CNTN4: variants seen among roughly 807,000 people sequenced by gnomAD.
CNTN4 encodes the protein contactin-4.
A neutral mutation model predicts 122.5 loss-of-function variants in CNTN4; 77 were observed. The ratio of observed to expected loss-of-function variants is 0.63; its 90% confidence interval spans 0.52 to 0.76. The LOEUF (loss-of-function observed/expected upper bound fraction) is 0.76, where lower values mean the gene tolerates loss of function less well. Ranked by LOEUF, CNTN4 falls within the 30% of genes least tolerant of loss-of-function variation. The pLI is 0.00. For missense variants in CNTN4, 1,256 were observed against 1,259.1 expected (o/e 1.00, Z 0.04); for synonymous variants, 512 against 447.0 (o/e 1.15, Z -1.83).
chr3:2,321,946 A>C (rs139821257), intron 2 of CNTN4, among the ~76,000 whole-genome samples: 1 of 152,276 alleles, frequency 6.6e-6, no homozygotes, highest in Non-Finnish European at 1.5e-5. Flanking sequence ...CCTTAATATA[A>C]ACCAGGCACT....
At chr3:2,858,794 CAAAT>C (rs756700435) in intron 7 of CNTN4, among the ~76,000 whole-genome samples, 2 of 151,968 alleles carry the variant, frequency 1.3e-5, no homozygotes, top group Admixed American at 6.6e-5. Context: ...TTTTAATTGA[CAAAT>C]AAACATTGCA....
intron 4 of CNTN4, among the ~76,000 whole-genome samples, chr3:2,679,464 C>T (rs573052116): frequency 6.6e-5 from 10 of 152,024 alleles, no homozygotes; most frequent in Non-Finnish European, 8.8e-5. Context: ...GGTCATTCAG[C>T]GCATTATGTG....
chr3:2,960,835 T>C (rs1004244156), intron 13 of CNTN4, among the ~76,000 whole-genome samples: 5 of 152,130 alleles, frequency 3.3e-5, no homozygotes, highest in African/African-American at 1.2e-4. Context: ...GCCAATGAAA[T>C]GGTAGTAGAA....
At chr3:2,705,778 A>G (rs1205940157) in intron 4 of CNTN4, among the ~76,000 whole-genome samples, 4 of 103,810 alleles carry the variant, frequency 3.9e-5, no homozygotes, top group Admixed American at 1.4e-4. Context: ...TTTATTATAT[A>G]TAATACATAA....
intron 2 of CNTN4, among the ~76,000 whole-genome samples, chr3:2,144,778 T>C (rs1268402525): frequency 6.6e-6 from 1 of 152,218 alleles, no homozygotes; most frequent in Non-Finnish European, 1.5e-5. Flanking sequence ...AATATTGGAA[T>C]TGTATCTGTC....
At chr3:2,444,784 C>T (rs1559558031) in intron 3 of CNTN4, among the ~76,000 whole-genome samples, 1 of 152,040 alleles carries the variant, frequency 6.6e-6, no homozygotes, top group Non-Finnish European at 1.5e-5. Flanking sequence ...AACTAATGTC[C>T]TTCCAACCCT....
chr3:2,768,685 C>T (rs536729239), intron 6 of CNTN4, among the ~76,000 whole-genome samples: 4 of 152,358 alleles, frequency 2.6e-5, no homozygotes, highest in Non-Finnish European at 5.9e-5. Flanking sequence ...TCTGTGTCTA[C>T]TGCTTCACTT....
At chr3:3,032,800 G>A (rs1342727585) in intron 16 of CNTN4, among the ~76,000 whole-genome samples, 2 of 152,184 alleles carry the variant, frequency 1.3e-5, no homozygotes, top group Non-Finnish European at 2.9e-5. Flanking sequence ...ATGCCCCTGA[G>A]TGTGTTATCA....
chr3:2,299,587 T>C (rs748198539), intron 2 of CNTN4, among the ~76,000 whole-genome samples: 3 of 152,164 alleles, frequency 2.0e-5, no homozygotes, highest in African/African-American at 7.2e-5. Flanking sequence ...ATCTGATGCT[T>C]AATTTCTATT....
chr3:2,317,210 T>G (rs1297101112), intron 2 of CNTN4, among the ~76,000 whole-genome samples: 1 of 152,224 alleles, frequency 6.6e-6, no homozygotes, highest in East Asian at 1.9e-4. Flanking sequence ...AATCTAGACC[T>G]GATGGATTAT....
intron 4 of CNTN4, among the ~76,000 whole-genome samples, chr3:2,582,091 G>C (rs145921640): frequency 2.0e-5 from 3 of 152,156 alleles, no homozygotes; most frequent in Admixed American, 2.0e-4. Flanking sequence ...ACTCAACCTC[G>C]TGAGTACACT....
Position 2,776,175 on chromosome 3 carries a change from CTT to C in CNTN4, c.358+30479_358+30480del, listed in dbSNP as rs2091307423. 2.0e-5 allele frequency among the ~76,000 whole-genome samples: 3 copies of C among 151,650 alleles called. No homozygotes were observed. The South Asian group carries it at 6.3e-4, about 32-fold the overall frequency. On this transcript the variant is annotated intron_variant, in intron 6 of 24. Transcript: ENST00000418658. Reference sequence around the variant, plus strand: ...AAAGTGGGGAGATTTGAGGGCCCCTCTTATATTGGCAAGGTCTGGGGAAGATG... The same window carrying C: ...AAAGTGGGGAGATTTGAGGGCCCCTCATATTGGCAAGGTCTGGGGAAGATG...
At chr3:2,287,898 C>G (rs17011866) in intron 2 of CNTN4, among the ~76,000 whole-genome samples, 2,696 of 152,044 alleles carry the variant, frequency 0.018, 73 homozygotes, top group African/African-American at 0.061. Flanking sequence ...TGCAAGAATA[C>G]AAAACTAATA....
intron 4 of CNTN4, among the ~76,000 whole-genome samples, chr3:2,727,864 T>A (rs1216678588): frequency 6.6e-6 from 1 of 152,184 alleles, no homozygotes; most frequent in East Asian, 1.9e-4. Flanking sequence ...TTTAAAATGC[T>A]CATTTGAGGG....
At chr3:2,556,709 A>G (rs976971587) in intron 3 of CNTN4, among the ~76,000 whole-genome samples, 18 of 152,052 alleles carry the variant, frequency 1.2e-4, no homozygotes, top group African/African-American at 3.1e-4. Context: ...TATATAATAC[A>G]TATATTATTT....
intron 12 of CNTN4, among the ~76,000 whole-genome samples, chr3:2,907,087 A>T (rs1233698922): frequency 6.6e-6 from 1 of 152,158 alleles, no homozygotes; most frequent in Non-Finnish European, 1.5e-5. Flanking sequence ...TTAAAGATAC[A>T]TAGAAATTAA....
intron 2 of CNTN4, among the ~76,000 whole-genome samples, chr3:2,117,179 G>T: frequency 6.6e-6 from 1 of 152,178 alleles, no homozygotes; most frequent in Non-Finnish European, 1.5e-5. Flanking sequence ...AAACAGACCA[G>T]CTATAAATTG....
At chr3:2,767,731 G>T (rs1055091447) in intron 6 of CNTN4, among the ~76,000 whole-genome samples, 2 of 152,112 alleles carry the variant, frequency 1.3e-5, no homozygotes, top group Non-Finnish European at 2.9e-5. Context: ...CTATGATCAC[G>T]TCTTACGATA....
intron 6 of CNTN4, among the ~76,000 whole-genome samples, chr3:2,795,874 G>A (rs2150012649): frequency 6.6e-6 from 1 of 152,196 alleles, no homozygotes; most frequent in African/African-American, 2.4e-5. Flanking sequence ...AGGTACATGT[G>A]ATCAAGGCAA....
Sources: gnomAD v4.1 joint callset for allele counts (sites outside exome capture counted in the v4.1 genomes callset) on GRCh38, gnomAD v4.1.1 for gene constraint, MANE v1.5 for transcripts, NCBI Gene and HGNC (gene_info 2026-07-23, HGNC 2026-07-21) for gene names.